Variants in RASA1 observed in about 807,000 individuals in gnomAD.
The protein encoded by RASA1 is ras GTPase-activating protein 1.
In RASA1, 25 loss-of-function variants were observed where a neutral mutation model predicts 132.2. The observed-to-expected ratio is 0.19, with a 90% CI of 0.14 to 0.26. The LOEUF is 0.26. Among genes scored for constraint, RASA1 ranks in the 10% least tolerant of loss-of-function variants. The pLI is 1.00. For missense variants in RASA1, 964 were observed against 1,299.2 expected (o/e 0.74, Z 3.97); for synonymous variants, 477 against 449.9 (o/e 1.06, Z -0.76).
intron 1 of RASA1, among the ~76,000 whole-genome samples, chr5:87,291,867 A>G (rs1754923292): frequency 6.6e-6 from 1 of 152,236 alleles, no homozygotes; most frequent in African/African-American, 2.4e-5. Flanking sequence ...TAAACCACTT[A>G]TAAATTACCC....
chr5:87,273,594 T>G (rs192613941), intron 1 of RASA1, among the ~76,000 whole-genome samples: 9 of 152,270 alleles, frequency 5.9e-5, no homozygotes, highest in Non-Finnish European at 8.8e-5. Flanking sequence ...AAGTGGCCAT[T>G]GGTGAGAATC....
intron 1 of RASA1, among the ~76,000 whole-genome samples, chr5:87,295,974 G>A (rs374655148): frequency 4.6e-5 from 7 of 151,806 alleles, no homozygotes; most frequent in Middle Eastern, 3.2e-3. Context: ...GCGCCACCAC[G>A]CCCAGCTAAT....
At position 87,391,038 on chromosome 5, in the gene RASA1, T is replaced by TGAA; in HGVS notation, c.*156_*158dup. ...CAAACAAAATCCAAGATTCTGCTGG[T>TGAA]GAATAACTATGCCAGCAACCTTGTA... On this transcript the variant is annotated 3_prime_UTR_variant, in exon 25 of 25. Transcript: ENST00000274376. 2 of 755,816 alleles carry TGAA rather than the reference T, an allele frequency of 2.6e-6. No homozygotes were observed. The highest frequency in any genetic ancestry group is 3.0e-5 in the South Asian group (2 of 66,608). 46.8% of individuals were successfully genotyped at this position (755,816 alleles called of 1,614,324 possible). A position where few individuals can be genotyped will look rare whatever the true frequency, so the allele number is the denominator to read the frequency against.
rs540171838 is a variant in RASA1, at chr5:87,279,185, G to A, written c.539+10195G>A. Among the ~76,000 whole-genome samples the A allele has an allele frequency of 2.0e-5, 3 of 152,294 alleles. No individual in the cohort carries two copies. In the South Asian group the frequency reaches 6.2e-4, roughly 32 times the overall value. On this transcript the variant is annotated intron_variant, in intron 1 of 24. Transcript: ENST00000274376. ...CTGAGCCTATGAGGTTGAGGCTGCAGTGAGTTATGATTGTGCCATTGCACT... is the reference window on the plus strand; with the variant it reads ...CTGAGCCTATGAGGTTGAGGCTGCAATGAGTTATGATTGTGCCATTGCACT...
rs1338828544 is a variant in RASA1, at chr5:87,338,519, A to T, written c.1017+428A>T. On this transcript the variant is annotated intron_variant, in intron 5 of 24. Coordinates refer to ENST00000274376, the MANE Select transcript of RASA1 (RefSeq NM_002890.3). ...GCTAATTTTATATATATATATATAT[A>T]TATATATATATATAAAATTTTTTTT... Among the ~76,000 whole-genome samples, 19 of 99,786 alleles carry T rather than the reference A, an allele frequency of 1.9e-4. 1 individual carries two copies. The highest frequency in any genetic ancestry group is 1.3e-3 in the East Asian group (4 of 3,134). 65.5% of individuals were successfully genotyped at this position (99,786 alleles called of 152,430 possible). A position where few individuals can be genotyped will look rare whatever the true frequency, so the allele number is the denominator to read the frequency against.
intron 23 of RASA1, among the ~76,000 whole-genome samples, chr5:87,388,868 T>G (rs559876163): frequency 2.0e-5 from 3 of 152,180 alleles, no homozygotes; most frequent in Non-Finnish European, 4.4e-5. Context: ...ACCTACACTA[T>G]TTGGCATATG....
intron 1 of RASA1, among the ~76,000 whole-genome samples, chr5:87,295,891 A>C (rs1158955009): frequency 6.6e-6 from 1 of 150,836 alleles, no homozygotes; most frequent in Non-Finnish European, 1.5e-5. Context: ...ATCTCTGCTC[A>C]CAGCAACCTC....
In RASA1 at chr5:87,278,909, C is replaced by CTTTT. The variant is rs58122450; in HGVS notation, c.539+9940_539+9943dup. On this transcript the variant is annotated intron_variant, in intron 1 of 24. Coordinates refer to ENST00000274376, the MANE Select transcript of RASA1 (RefSeq NM_002890.3). The stretch of plus-strand genomic sequence containing the variant: ...ATTCCCTGGTAACTGCTAATTTGTT[C>CTTTT]TTTTTTTTTTTTTTTTTTTTTTTTC... Among the ~76,000 whole-genome samples, 52 of 83,982 alleles carry CTTTT rather than the reference C, an allele frequency of 6.2e-4. 1 individual carries two copies. Among genetic ancestry groups the CTTTT allele is most frequent in the Non-Finnish European group, 6.5e-4 (30 of 46,496 alleles). 55.1% of individuals were successfully genotyped at this position (83,982 alleles called of 152,430 possible).
In RASA1 at chr5:87,363,478, T is replaced by C. The variant is rs1448608354; in HGVS notation, c.1584T>C (p.Tyr528=). 1.2e-6 allele frequency: 2 copies of C among 1,612,506 alleles called. No individual in the cohort carries two copies. The highest frequency in any genetic ancestry group is 8.5e-7 in the Non-Finnish European group (1 of 1,178,828). ...TAGATCTCAGTGTATGTTCTGTCTA[T>C]GTCGTTCATGATAGTCTCTTTGGCA... ...GLIDLSVCSV[Y]VVHDSLFGRP... Residue 528 remains tyrosine (Y), a synonymous_variant, in exon 11 of 25, where the codon TAT becomes TAC. Coordinates refer to ENST00000274376, the MANE Select transcript of RASA1 (RefSeq NM_002890.3).
chr5:87,332,311 A>T (rs1310383898), intron 2 of RASA1, among the ~76,000 whole-genome samples, 196 bp from the exon 3 acceptor site: 1 of 152,124 alleles, frequency 6.6e-6, no homozygotes, highest in African/African-American at 2.4e-5. Context: ...CATCAAATGC[A>T]TGTATATATA....
chr5:87,344,021 TAACTC>T (rs926849753), intron 6 of RASA1, among the ~76,000 whole-genome samples: 5 of 151,998 alleles, frequency 3.3e-5, no homozygotes, highest in African/African-American at 4.8e-5. Flanking sequence ...ATTAGAAAAT[TAACTC>T]AGGGAGATAG....
At chr5:87,333,711 T>C (rs1045045466) in intron 4 of RASA1, among the ~76,000 whole-genome samples, 7 of 152,204 alleles carry the variant, frequency 4.6e-5, no homozygotes, top group Non-Finnish European at 8.8e-5. Context: ...TTTTAAACCT[T>C]AGGAATGTTA....
chr5:87,338,532 T>C (rs1264439015), intron 5 of RASA1, among the ~76,000 whole-genome samples: 1 of 59,676 alleles, frequency 1.7e-5, no homozygotes, highest in Non-Finnish European at 4.2e-5. Flanking sequence ...TATATATATA[T>C]AAAATTTTTT....
chr5:87,347,518 T>C (rs1758948178), intron 7 of RASA1, among the ~76,000 whole-genome samples: 1 of 152,010 alleles, frequency 6.6e-6, no homozygotes, highest in Non-Finnish European at 1.5e-5. Flanking sequence ...TCTTCAAAAA[T>C]GTTGACTATT....
intron 1 of RASA1, among the ~76,000 whole-genome samples, chr5:87,327,711 T>A (rs1414518486): frequency 2.0e-5 from 3 of 152,200 alleles, no homozygotes; most frequent in East Asian, 3.8e-4. Context: ...ACACCTGTAA[T>A]CTCAGCACTT....
intron 7 of RASA1, among the ~76,000 whole-genome samples, chr5:87,347,795 A>G (rs976807092): frequency 1.3e-5 from 2 of 152,042 alleles, no homozygotes; most frequent in Non-Finnish European, 2.9e-5. Context: ...TCTGTCAGCT[A>G]TTTCAGTGTG....
At chr5:87,387,193 A>T (rs1762119162) in intron 23 of RASA1, among the ~76,000 whole-genome samples, 1 of 152,048 alleles carries the variant, frequency 6.6e-6, no homozygotes, top group Non-Finnish European at 1.5e-5. Flanking sequence ...TAAAGCTATC[A>T]CATCTGACTG....
chr5:87,325,440 T>G (rs185201649), intron 1 of RASA1, among the ~76,000 whole-genome samples: 370 of 152,340 alleles, frequency 2.4e-3, no homozygotes, highest in Non-Finnish European at 3.8e-3. Flanking sequence ...GCATACCAAC[T>G]TGAAATCACC....
intron 24 of RASA1, 83 bp from the exon 25 acceptor site, chr5:87,390,717 C>A (rs145007526): frequency 9.0e-7 from 1 of 1,111,428 alleles, no homozygotes; most frequent in Non-Finnish European, 1.4e-6. Context: ...TGCTTTGATA[C>A]AGTTTTTTTC....
Sources: allele counts gnomAD v4.1 joint callset (sites outside exome capture counted in the v4.1 genomes callset), GRCh38; gene constraint gnomAD v4.1.1; transcripts MANE v1.5; gene names NCBI Gene and HGNC (gene_info 2026-07-23, HGNC 2026-07-21).